Variants in NEBL observed in about 807,000 individuals in gnomAD.
NEBL encodes LIM and SH3 protein 2.
NEBL carries 122 observed loss-of-function variants against 140.2 expected under a neutral mutation model. That is an observed-to-expected ratio of 0.87 (90% confidence interval 0.75 to 1.01). NEBL has a LOEUF of 1.01. NEBL is among the 50% of genes least tolerant of loss of function. The pLI is 0.00. For missense variants in NEBL, 1,365 were observed against 1,231.3 expected (o/e 1.11, Z -1.62); for synonymous variants, 436 against 398.9 (o/e 1.09, Z -1.11).
chr10:21,041,916 T>A (rs1834285373), intron 2 of NEBL, among the ~76,000 whole-genome samples: 1 of 152,198 alleles, frequency 6.6e-6, no homozygotes, highest in Non-Finnish European at 1.5e-5. Flanking sequence ...GGTGGGAGTG[T>A]CTTTTAGCAT....
chr10:21,129,159 G>T (rs913759593), intron 2 of NEBL, among the ~76,000 whole-genome samples: 1 of 152,012 alleles, frequency 6.6e-6, no homozygotes, highest in Non-Finnish European at 1.5e-5. Context: ...GTTAAAAGAA[G>T]CTCTTTAAAG....
In NEBL at chr10:20,848,359, T is replaced by C. The variant is rs190558986; in HGVS notation, c.1116+2036A>G. Among the ~76,000 whole-genome samples the C allele has an allele frequency of 3.4e-3, 522 of 152,354 alleles. 2 individuals are homozygous for C. The highest frequency in any genetic ancestry group is 9.1e-3 in the South Asian group (44 of 4,832). ...TGAACTTTGACCAAATTCACTAGTATCAATTCACTTGAAACAAATAACTAA... is the reference window on the plus strand; with the variant it reads ...TGAACTTTGACCAAATTCACTAGTACCAATTCACTTGAAACAAATAACTAA... On this transcript the variant is annotated intron_variant, in intron 11 of 27. Coordinates refer to ENST00000377122, the MANE Select transcript of NEBL (RefSeq NM_006393.3).
chr10:20,877,009 G>A (rs757826117), intron 5 of NEBL, among the ~76,000 whole-genome samples: 9 of 152,072 alleles, frequency 5.9e-5, no homozygotes, highest in Admixed American at 2.0e-4. Flanking sequence ...ATGCCCTTCC[G>A]ACCTAAACAT....
intron 22 of NEBL, among the ~76,000 whole-genome samples, chr10:20,815,099 T>C (rs953561357): frequency 6.6e-6 from 1 of 152,232 alleles, no homozygotes; most frequent in Non-Finnish European, 1.5e-5. Flanking sequence ...GAAGCCCTGA[T>C]ATTCACTAAG....
At chr10:20,942,025 G>A (rs1487453265) in intron 4 of NEBL, among the ~76,000 whole-genome samples, 1 of 152,052 alleles carries the variant, frequency 6.6e-6, no homozygotes, top group Non-Finnish European at 1.5e-5. Flanking sequence ...AAGGTAATTT[G>A]TAGATTCAAT....
At chr10:21,207,029 A>G (rs1430857573) in intron 3 of NEBL, among the ~76,000 whole-genome samples, 1 of 131,170 alleles carries the variant, frequency 7.6e-6, no homozygotes, top group Non-Finnish European at 1.5e-5. Context: ...GCTAGAGTGC[A>G]GTGGTGCAGG....
intron 1 of NEBL, among the ~76,000 whole-genome samples, chr10:21,270,126 A>G (rs1207135509): frequency 6.6e-6 from 1 of 152,188 alleles, no homozygotes; most frequent in Non-Finnish European, 1.5e-5. Context: ...CTGGAATTCC[A>G]CTGAATGGTG....
Position 21,200,444 on chromosome 10 carries a change from G to C in NEBL, n.349-27967C>G, listed in dbSNP as rs571036760. ...TTCTCCTGTCTCAGCCTCCTGAGTA[G>C]CTGGGACTACAGGTGCACACCACCA... On this transcript the variant is annotated intron_variant and non_coding_transcript_variant, in intron 3 of 8. Coordinates refer to the NEBL transcript ENST00000675702. Among the ~76,000 whole-genome samples, 48 of 149,688 alleles carry C rather than the reference G, an allele frequency of 3.2e-4. 1 individual carries two copies. Among genetic ancestry groups the C allele is most frequent in the African/African-American group, 1.1e-3 (45 of 40,808 alleles).
At chr10:20,873,781 T>C (rs1845211198) in intron 5 of NEBL, among the ~76,000 whole-genome samples, 1 of 152,198 alleles carries the variant, frequency 6.6e-6, no homozygotes, top group African/African-American at 2.4e-5. Context: ...AACAAATAAC[T>C]GTAATTTTAA....
chr10:21,172,744 T>C (rs924312151), intron 1 of NEBL, among the ~76,000 whole-genome samples: 2 of 152,102 alleles, frequency 1.3e-5, no homozygotes, highest in Non-Finnish European at 1.5e-5. Context: ...GAAACAGCAC[T>C]TCTTTGAGCA....
intron 4 of NEBL, among the ~76,000 whole-genome samples, chr10:20,921,701 C>G (rs1237733287): frequency 1.3e-5 from 2 of 152,084 alleles, no homozygotes; most frequent in African/African-American, 4.8e-5. Context: ...ACTTTGTTTC[C>G]TGCTGCACCT....
chr10:21,264,936 T>TTTTTA (rs1452524905), intron 1 of NEBL, among the ~76,000 whole-genome samples: 1 of 150,920 alleles, frequency 6.6e-6, no homozygotes, highest in Non-Finnish European at 1.5e-5. Context: ...TTTTATTTTA[T>TTTTTA]TTTTATTTTT....
At chr10:20,806,070 T>G (rs1203134145) in intron 26 of NEBL, among the ~76,000 whole-genome samples, 1 of 152,144 alleles carries the variant, frequency 6.6e-6, no homozygotes, top group Admixed American at 6.5e-5. Flanking sequence ...CATTTTCTCA[T>G]TCAATTTGGC....
intron 3 of NEBL, among the ~76,000 whole-genome samples, chr10:20,997,578 A>C (rs537691417): frequency 1.3e-5 from 2 of 149,804 alleles, no homozygotes; most frequent in Non-Finnish European, 3.0e-5. Context: ...TATGGATTAA[A>C]GTGTTCAACC....
intron 14 of NEBL, among the ~76,000 whole-genome samples, chr10:20,831,836 G>T (rs1307571689): frequency 6.6e-6 from 1 of 151,650 alleles, no homozygotes; most frequent in Non-Finnish European, 1.5e-5. Context: ...GCTAGCCAAG[G>T]GGAAAATTTA....
intron 3 of NEBL, among the ~76,000 whole-genome samples, chr10:21,007,551 A>C (rs997528286): frequency 1.3e-5 from 2 of 152,238 alleles, no homozygotes; most frequent in Non-Finnish European, 2.9e-5. Flanking sequence ...TTCATTTCAT[A>C]CATTATCACC....
At chr10:20,819,606 C>T (rs1588683486) in intron 19 of NEBL, 90 bp from the exon 20 acceptor site, 4 of 1,439,978 alleles carry the variant, frequency 2.8e-6, no homozygotes, top group South Asian at 2.3e-5. Context: ...TGTCACATGG[C>T]TACAGAACAT....
At chr10:21,163,384 A>G (rs954743177) in intron 2 of NEBL, among the ~76,000 whole-genome samples, 3 of 152,210 alleles carry the variant, frequency 2.0e-5, no homozygotes, top group African/African-American at 7.2e-5. Flanking sequence ...CAAACAGGCC[A>G]TCAAAAATAC....
At chr10:20,839,114 T>A (rs1232107013) in intron 13 of NEBL, among the ~76,000 whole-genome samples, 1 of 152,172 alleles carries the variant, frequency 6.6e-6, no homozygotes, top group African/African-American at 2.4e-5. Flanking sequence ...GATCAACACC[T>A]GACACCTTCT....
Sources: allele counts gnomAD v4.1 joint callset (sites outside exome capture counted in the v4.1 genomes callset), GRCh38; gene constraint gnomAD v4.1.1; transcripts MANE v1.5; gene names NCBI Gene and HGNC (gene_info 2026-07-23, HGNC 2026-07-21).